Variants in STAG3 observed in about 807,000 individuals in gnomAD.
STAG3 encodes cohesin subunit SA-3.
STAG3 carries 101 observed loss-of-function variants against 160.7 expected under a neutral mutation model. The observed-to-expected ratio is 0.63, with a 90% CI of 0.54 to 0.74. The LOEUF (loss-of-function observed/expected upper bound fraction) is 0.74. Ranked by LOEUF, STAG3 falls within the 30% of genes least tolerant of loss-of-function variation. The pLI is 0.00. For missense variants in STAG3, 1,188 were observed against 1,517.4 expected, an observed-to-expected ratio of 0.78 and a Z score of 3.61; for synonymous variants, 519 against 585.0, an observed-to-expected ratio of 0.89 and a Z score of 1.63.
At chr7:100,188,392 G>T in intron 5 of STAG3, 61 bp from the exon 6 acceptor site, 1 of 1,130,038 alleles carries the variant, frequency 8.8e-7, no homozygotes, top group Non-Finnish European at 1.4e-6. Flanking sequence ...AGGTATATCT[G>T]TAAATGATCA....
At chr7:100,199,196 C>T in intron 14 of STAG3, 66 bp from the exon 15 acceptor site, 1 of 1,127,762 alleles carries the variant, frequency 8.9e-7, no homozygotes, top group Admixed American at 1.7e-5. Flanking sequence ...GATATTTAAT[C>T]AGTAACCACT....
Position 100,198,184 on chromosome 7 carries a change from G to A in STAG3, c.1244+18G>A, listed in dbSNP as rs747749829. 1.9e-6 allele frequency: 3 copies of A among 1,611,798 alleles called. No homozygotes were observed. The highest frequency in any genetic ancestry group is 1.7e-6 in the Non-Finnish European group (2 of 1,177,946). ...ATCCTTAAGTGAGTCCTGGGAAGAGGGGAGGCCAGTGTCTCAGACCTTTGC... is the reference window on the plus strand; with the variant it reads ...ATCCTTAAGTGAGTCCTGGGAAGAGAGGAGGCCAGTGTCTCAGACCTTTGC... On this transcript the variant is annotated intron_variant, in intron 12 of 33. Transcript: ENST00000615138.
chr7:100,195,245 A>G (rs1428757521), intron 8 of STAG3, 64 bp from the exon 9 acceptor site: 3 of 1,443,346 alleles, frequency 2.1e-6, no homozygotes, highest in African/African-American at 2.8e-5. Flanking sequence ...GTTTTTCTGT[A>G]TCTTCAGGGC....
intron 4 of STAG3, among the ~76,000 whole-genome samples, chr7:100,185,047 CTT>C (rs755102157): frequency 6.8e-6 from 1 of 146,018 alleles, no homozygotes; most frequent in Non-Finnish European, 1.5e-5. Context: ...TCCAGAATCA[CTT>C]TTTTTTTTTT....
chr7:100,210,981 C>T, intron 29 of STAG3, 30 bp from the exon 30 acceptor site: 1 of 1,603,738 alleles, frequency 6.2e-7, no homozygotes, highest in Non-Finnish European at 8.5e-7. Flanking sequence ...AGGCCCTGGG[C>T]TGTGGTTAAT....
At chr7:100,217,001 G>A (rs1243936650), downstream of STAG3, among the ~76,000 whole-genome samples, 1 of 151,990 alleles carries the variant, frequency 6.6e-6, no homozygotes, top group Non-Finnish European at 1.5e-5. Flanking sequence ...GCATTGTCTG[G>A]GAGCACAAAA....
intron 8 of STAG3, among the ~76,000 whole-genome samples, chr7:100,190,212 G>C (rs757044382): frequency 1.4e-4 from 22 of 152,134 alleles, no homozygotes; most frequent in African/African-American, 5.1e-4. Flanking sequence ...ATGACCACTG[G>C]GGGGCATAAG....
intron 33 of STAG3, 54 bp downstream of exon 33, chr7:100,213,860 C>T (rs1482508213): frequency 2.6e-5 from 42 of 1,613,706 alleles, no homozygotes; most frequent in Non-Finnish European, 3.4e-5. Context: ...TGGCAGGCAA[C>T]CCGTGCACTC....
At chr7:100,182,245 G>T in intron 3 of STAG3, 53 bp downstream of exon 3, 2 of 1,382,224 alleles carry the variant, frequency 1.4e-6, no homozygotes, top group Non-Finnish European at 1.0e-6. Flanking sequence ...AAGCAGCCCA[G>T]CTACTTGGGA....
chr7:100,189,393 C>T lies in STAG3; in HGVS notation c.716-52C>T. 10 of 1,562,192 alleles carry T rather than the reference C, an allele frequency of 6.4e-6. No individual in the cohort carries two copies. In the South Asian group the frequency reaches 1.2e-4, roughly 19 times the overall value. ...TCTATTTTTTCCTTCTACTCATCCT[C>T]TCTCCTCTGACCTCAGTAATGATTT... On this transcript the variant is annotated intron_variant, in intron 7 of 33. Transcript: ENST00000615138.
chr7:100,190,341 T>TG (rs1467763413), intron 8 of STAG3, among the ~76,000 whole-genome samples: 1 of 152,228 alleles, frequency 6.6e-6, no homozygotes, highest in African/African-American at 2.4e-5. Flanking sequence ...CCTATGAGGT[T>TG]GGCAGGACTC....
chr7:100,199,540 G>C lies in STAG3; in HGVS notation c.1574-1G>C. The C allele has an allele frequency of 6.2e-7, 1 of 1,601,310 alleles. No homozygotes were observed. The highest frequency in any genetic ancestry group is 8.5e-7 in the Non-Finnish European group (1 of 1,173,788). ...TGTTTTTGATCCTCCTGGCACTCCA[G>C]ACCTGGGTGATGTGCAGGAGAGCAC... On this transcript the variant is annotated splice_acceptor_variant, in intron 15 of 33. Transcript: ENST00000615138. LOFTEE classifies it high-confidence loss of function.
At chr7:100,214,477 C>T, downstream of STAG3, 1 of 180,226 alleles carries the variant, frequency 5.5e-6, no homozygotes, top group Non-Finnish European at 1.2e-5. Context: ...TGTCCCCACA[C>T]CCTGCAGGTG....
intron 13 of STAG3, 120 bp from the exon 14 acceptor site, chr7:100,198,723 T>C (rs1800855899): frequency 8.1e-7 from 1 of 1,238,972 alleles, no homozygotes. Context: ...CCTTGGGGCT[T>C]TCCTTAGCTC....
chr7:100,202,392 C>A, intron 24 of STAG3, 52 bp downstream of exon 24: 1 of 1,609,562 alleles, frequency 6.2e-7, no homozygotes, highest in South Asian at 1.1e-5. Flanking sequence ...TTGGGTGTAG[C>A]TCAGAAATAT....
chr7:100,211,671 C>A, intron 31 of STAG3, 124 bp from the exon 32 acceptor site: 2 of 1,403,508 alleles, frequency 1.4e-6, no homozygotes, highest in Non-Finnish European at 9.9e-7. Context: ...TTCCTGTCAG[C>A]ACAATCGGGA....
intron 2 of STAG3, 37 bp from the exon 3 acceptor site, chr7:100,182,053 G>T (rs1207551088): frequency 2.7e-6 from 4 of 1,496,486 alleles, no homozygotes; most frequent in South Asian, 1.1e-5. Flanking sequence ...GAGGGAATAG[G>T]GTGGTTATAT....
chr7:100,204,534 T>C, intron 26 of STAG3, 93 bp from the exon 27 acceptor site: 2 of 1,502,042 alleles, frequency 1.3e-6, no homozygotes, highest in Non-Finnish European at 1.8e-6. Context: ...TCCCAAGGCC[T>C]TTGGAATTTC....
Position 100,205,209 on chromosome 7 carries a change from G to T in STAG3, c.3081-18G>T, listed in dbSNP as rs1801528719. On this transcript the variant is annotated intron_variant, in intron 28 of 33. Transcript: ENST00000615138. ...GCCCAGTAGCCCCTTCAGGCTTTTGGTTCTACCTCTTTCATAGACTGTCCT... is the reference window on the plus strand; with the variant it reads ...GCCCAGTAGCCCCTTCAGGCTTTTGTTTCTACCTCTTTCATAGACTGTCCT... 8 of 1,613,476 alleles carry T rather than the reference G, an allele frequency of 5.0e-6. No homozygotes were observed. The highest frequency in any genetic ancestry group is 1.7e-5 in the Admixed American group (1 of 59,956).
Sources: allele counts gnomAD v4.1 joint callset (sites outside exome capture counted in the v4.1 genomes callset), GRCh38; gene constraint gnomAD v4.1.1; transcripts MANE v1.5; gene names NCBI Gene and HGNC (gene_info 2026-07-23, HGNC 2026-07-21).